Variants in KIF26B observed in about 807,000 individuals in gnomAD.
KIF26B encodes the protein kinesin family member 26B.
Under a neutral mutation model 151.2 loss-of-function variants are expected in KIF26B, and 63 were observed. The observed-to-expected ratio is 0.42, with a 90% CI of 0.34 to 0.51. KIF26B has a LOEUF of 0.51. KIF26B is among the 20% of genes least tolerant of loss of function. The pLI is 0.07. For synonymous variants in KIF26B, 1,357 were observed against 1,262.1 expected (o/e 1.08, Z -1.59); for missense variants, 2,813 against 2,913.6 (o/e 0.97, Z 0.79).
At chr1:245,315,443 C>T (rs1035388363) in intron 2 of KIF26B, among the ~76,000 whole-genome samples, 6 of 151,850 alleles carry the variant, frequency 4.0e-5, no homozygotes, top group South Asian at 2.1e-4. Context: ...AAAAAAAGGC[C>T]GGGTGCAGTG....
intron 2 of KIF26B, among the ~76,000 whole-genome samples, chr1:245,207,993 G>A (rs1669440419): frequency 6.6e-6 from 1 of 152,154 alleles, no homozygotes; most frequent in African/African-American, 2.4e-5. Flanking sequence ...CCGCGGAGGT[G>A]GGCTGTGTGC....
At chr1:245,155,588 C>G (rs1367478755) in intron 1 of KIF26B, 101 bp downstream of exon 1, 1 of 1,092,376 alleles carries the variant, frequency 9.2e-7, no homozygotes, top group East Asian at 2.9e-5. Flanking sequence ...GAGCTCTCCC[C>G]CGCTGCAGAG....
chr1:245,571,293 C>T (rs1445307921), intron 5 of KIF26B, among the ~76,000 whole-genome samples: 2 of 152,166 alleles, frequency 1.3e-5, no homozygotes, highest in African/African-American at 2.4e-5. Context: ...CCAAGCCCCA[C>T]CTATGTTTTT....
rs1162425914 is a variant in KIF26B at position 245,707,769 on chromosome 1, C to T, written c.*5163C>T. On this transcript the variant is annotated 3_prime_UTR_variant, in exon 15 of 15. Transcript: ENST00000407071. ...AGCAGCCAAATGGGAAAGATCCCTT[C>T]GTTTTGAATTTGATGAGAATGGGCT... 1.3e-5 allele frequency: 2 copies of T among 152,172 alleles called. No homozygotes were observed. The highest frequency in any genetic ancestry group is 2.4e-5 in the African/African-American group (1 of 41,426). 9.4% of individuals were successfully genotyped at this position (152,172 alleles called of 1,614,324 possible).
At chr1:245,471,414 G>A (rs762316099) in intron 4 of KIF26B, among the ~76,000 whole-genome samples, 1 of 152,096 alleles carries the variant, frequency 6.6e-6, no homozygotes, top group African/African-American at 2.4e-5. Context: ...GATTACAGGT[G>A]TGAGCTACCA....
At chr1:245,486,398 A>C (rs1388460464) in intron 4 of KIF26B, among the ~76,000 whole-genome samples, 1 of 152,110 alleles carries the variant, frequency 6.6e-6, no homozygotes, top group Admixed American at 6.6e-5. Flanking sequence ...AAGGGAGGAA[A>C]AAAAAAAGAG....
intron 3 of KIF26B, among the ~76,000 whole-genome samples, chr1:245,377,671 AAAG>A (rs775776574): frequency 4.5e-4 from 68 of 152,348 alleles, no homozygotes; most frequent in African/African-American, 1.6e-3. Flanking sequence ...AGATAAATAA[AAAG>A]AAGAAAAGTG....
intron 4 of KIF26B, among the ~76,000 whole-genome samples, chr1:245,489,304 T>G (rs1400720453): frequency 6.6e-6 from 1 of 152,254 alleles, no homozygotes; most frequent in Non-Finnish European, 1.5e-5. Flanking sequence ...TAAATTGCAG[T>G]TGCATGTCAG....
intron 2 of KIF26B, among the ~76,000 whole-genome samples, chr1:245,350,487 CAA>C (rs1239832063): frequency 6.6e-6 from 1 of 152,160 alleles, no homozygotes; most frequent in Admixed American, 6.5e-5. Flanking sequence ...CATCCCAGTG[CAA>C]AGTGTCCTTC....
intron 5 of KIF26B, among the ~76,000 whole-genome samples, chr1:245,556,321 T>TCCTC (rs1662032456): frequency 1.0e-5 from 1 of 98,118 alleles, no homozygotes; most frequent in African/African-American, 4.4e-5. Flanking sequence ...TCCTTCTTCT[T>TCCTC]CTTCCTCCTT....
intron 4 of KIF26B, among the ~76,000 whole-genome samples, chr1:245,427,609 A>AAAACAAAC (rs998130402): frequency 5.3e-5 from 8 of 152,214 alleles, no homozygotes; most frequent in Non-Finnish European, 1.2e-4. Flanking sequence ...ACTCTGTCTC[A>AAAACAAAC]AAACAAACAA....
In KIF26B at chr1:245,239,040, C is replaced by T. The variant is rs529891386; in HGVS notation, c.465+82357C>T. Among the ~76,000 whole-genome samples the T allele has an allele frequency of 8.9e-4, 135 of 152,240 alleles. No individual in the cohort carries two copies. The highest frequency in any genetic ancestry group is 3.2e-3 in the African/African-American group (132 of 41,556). On this transcript the variant is annotated intron_variant, in intron 2 of 14. Coordinates refer to ENST00000407071, the MANE Select transcript of KIF26B (RefSeq NM_018012.4). This position sits in a 1 kb window ranked among gnomAD's most constrained non-coding sequence, Gnocchi z 4.3. ...AGACGTGGTTTCTTACGTCTAATTTCGTTTTCCACCATCTACTGCAAGAGT... is the reference window on the plus strand; with the variant it reads ...AGACGTGGTTTCTTACGTCTAATTTTGTTTTCCACCATCTACTGCAAGAGT...
intron 2 of KIF26B, among the ~76,000 whole-genome samples, chr1:245,260,379 C>A (rs1398510012): frequency 6.6e-6 from 1 of 152,150 alleles, no homozygotes; most frequent in Non-Finnish European, 1.5e-5. Context: ...GGAGGTTTAT[C>A]CTAGTCTTTC....
At chr1:245,390,921 CAAAAAAAAAAA>C (rs796799193) in intron 3 of KIF26B, among the ~76,000 whole-genome samples, 1 of 13,438 alleles carries the variant, frequency 7.4e-5, no homozygotes, top group Non-Finnish European at 1.1e-4. Context: ...GACCCTGTCT[CAAAAAAAAAAA>C]AAAAAAAAAA....
At chr1:245,255,375 TGGA>T (rs1287952184) in intron 2 of KIF26B, among the ~76,000 whole-genome samples, 3 of 152,344 alleles carry the variant, frequency 2.0e-5, no homozygotes, top group East Asian at 1.9e-4. Context: ...CAGTGTCCTT[TGGA>T]GGAGAAGTCT....
rs1259580331 is a variant in KIF26B at position 245,170,519 on chromosome 1, C to T, written c.465+13836C>T. On this transcript the variant is annotated intron_variant, in intron 2 of 14. Coordinates refer to ENST00000407071, the MANE Select transcript of KIF26B (RefSeq NM_018012.4). This position sits in a 1 kb window ranked among gnomAD's most constrained non-coding sequence, Gnocchi z 4.4. ...TTCATGCTGCTATAACAAAATACCA[C>T]GAACTGGGTGGCTTATAAACAACAG... Among the ~76,000 whole-genome samples, 4 of 152,184 alleles carry T rather than the reference C, an allele frequency of 2.6e-5. No homozygotes were observed. The highest frequency in any genetic ancestry group is 2.1e-4 in the South Asian group (1 of 4,822).
At chr1:245,299,917 T>G (rs930695273) in intron 2 of KIF26B, among the ~76,000 whole-genome samples, 2 of 152,190 alleles carry the variant, frequency 1.3e-5, no homozygotes, top group African/African-American at 4.8e-5. Flanking sequence ...GCAAAGTGAG[T>G]CAGAGATTGC....
At chr1:245,222,652 A>G (rs1008360133) in intron 2 of KIF26B, among the ~76,000 whole-genome samples, 4 of 152,348 alleles carry the variant, frequency 2.6e-5, no homozygotes, top group East Asian at 3.8e-4. Flanking sequence ...AAGAATATTC[A>G]TAGCAGCACC....
At chr1:245,210,458 T>C (rs550257951) in intron 2 of KIF26B, among the ~76,000 whole-genome samples, 2 of 150,796 alleles carry the variant, frequency 1.3e-5, no homozygotes, top group South Asian at 2.1e-4. Flanking sequence ...TGGTGGTAAA[T>C]ATAATCTTTT....
Sources: gnomAD v4.1 joint callset for allele counts (sites outside exome capture counted in the v4.1 genomes callset) on GRCh38, gnomAD v4.1.1 for gene constraint, Gnocchi (gnomAD v3.1) non-coding constraint, MANE v1.5 for transcripts, NCBI Gene and HGNC (gene_info 2026-07-23, HGNC 2026-07-21) for gene names.